The following DNAJC9 variants were observed in gnomAD, a reference collection of about 807,000 sequenced individuals.
DNAJC9 encodes dnaJ homolog subfamily C member 9.
Under a neutral mutation model 32.4 loss-of-function variants are expected in DNAJC9, and 18 were observed. The ratio of observed to expected loss-of-function variants is 0.56; its 90% confidence interval spans 0.38 to 0.82. The LOEUF (loss-of-function observed/expected upper bound fraction) is 0.82, where lower values mean the gene tolerates loss of function less well. Among genes scored for constraint, DNAJC9 ranks in the 40% least tolerant of loss-of-function variants. The pLI is 0.00. For missense variants in DNAJC9, 310 were observed against 321.8 expected, an observed-to-expected ratio of 0.96 and a Z score of 0.28; for synonymous variants, 113 against 122.1, an observed-to-expected ratio of 0.93 and a Z score of 0.49.
At chr10:73,246,940 G>A in intron 1 of DNAJC9, 70 bp downstream of exon 1, 1 of 1,569,756 alleles carries the variant, frequency 6.4e-7, no homozygotes, top group African/African-American at 1.4e-5. Flanking sequence ...CCCCGGGGCG[G>A]GGCCCGGTAG....
At chr10:73,243,645 A>C in intron 4 of DNAJC9, 126 bp from the exon 5 acceptor site, 3 of 1,305,446 alleles carry the variant, frequency 2.3e-6, no homozygotes, top group Non-Finnish European at 3.2e-6. Flanking sequence ...GGAATGGTGA[A>C]AATGTCCTAC....
At chr10:73,239,576 C>G (rs945282510), downstream of DNAJC9, among the ~76,000 whole-genome samples, 6 of 151,772 alleles carry the variant, frequency 4.0e-5, no homozygotes, top group African/African-American at 1.5e-4. Context: ...AGTTCTATTG[C>G]TCAGAGCCAA....
intron 2 of DNAJC9, 127 bp downstream of exon 2, chr10:73,246,561 A>T (rs1204811776): frequency 2.4e-5 from 27 of 1,120,178 alleles, no homozygotes; most frequent in Non-Finnish European, 3.4e-5. Context: ...TCTGTATTTC[A>T]AGGCCAAACT....
At chr10:73,239,030 G>A (rs1198855952), downstream of DNAJC9, 4 of 294,708 alleles carry the variant, frequency 1.4e-5, no homozygotes, top group Non-Finnish European at 2.5e-5. Flanking sequence ...AGAACTAACT[G>A]AAATATTAAA....
downstream of DNAJC9, chr10:73,241,934 A>G (rs1344582085): frequency 6.6e-6 from 1 of 152,270 alleles, no homozygotes; most frequent in Non-Finnish European, 1.5e-5. Flanking sequence ...TCCTAAGGGC[A>G]TTCATGAATG....
chr10:73,236,097 T>A (rs2133411719), downstream of DNAJC9, among the ~76,000 whole-genome samples: 1 of 152,308 alleles, frequency 6.6e-6, no homozygotes, highest in East Asian at 1.9e-4. Context: ...TCCCAACTCA[T>A]GACCCTTGAA....
chr10:73,233,325 A>C, intron 2 of DNAJC9: 1 of 603,542 alleles, frequency 1.7e-6, no homozygotes, highest in East Asian at 2.8e-5. Flanking sequence ...AAAATTTTTT[A>C]ATGTGGTTAA....
intron 4 of DNAJC9, 97 bp from the exon 5 acceptor site, chr10:73,243,616 A>C: frequency 6.8e-7 from 1 of 1,473,204 alleles, no homozygotes; most frequent in Non-Finnish European, 9.3e-7. Context: ...ATAACTACTA[A>C]TGGGTATGGA....
intron 2 of DNAJC9, chr10:73,233,163 T>A: frequency 6.5e-7 from 1 of 1,548,544 alleles, no homozygotes; most frequent in Non-Finnish European, 8.7e-7. Context: ...GGAGCCCGAG[T>A]GTAGGTTTCA....
At chr10:73,238,081 T>C (rs112666357), downstream of DNAJC9, among the ~76,000 whole-genome samples, 23,333 of 152,052 alleles carry the variant, frequency 0.15, 2,936 homozygotes, top group African/African-American at 0.32. Context: ...TGCAGTGGCT[T>C]ACACCTGTAA....
chr10:73,236,539 G>A (rs1290463295), downstream of DNAJC9, among the ~76,000 whole-genome samples: 1 of 150,274 alleles, frequency 6.7e-6, no homozygotes, highest in Non-Finnish European at 1.5e-5. Context: ...TCAGCCTCCC[G>A]AATAGCTGGG....
downstream of DNAJC9, chr10:73,234,768 T>C: frequency 3.2e-6 from 5 of 1,543,520 alleles, no homozygotes; most frequent in Non-Finnish European, 1.7e-6. Flanking sequence ...GCTGGTATTG[T>C]TATAACTTCA....
At chr10:73,236,515 G>A (rs1484590964), downstream of DNAJC9, among the ~76,000 whole-genome samples, 1 of 150,284 alleles carries the variant, frequency 6.7e-6, no homozygotes, top group African/African-American at 2.5e-5. Context: ...CTGGGTTCAT[G>A]TGATTCTCCT....
At chr10:73,232,903 C>A in intron 2 of DNAJC9, 1 of 1,250,934 alleles carries the variant, frequency 8.0e-7, no homozygotes, top group Non-Finnish European at 1.1e-6. Flanking sequence ...ACATACTGAT[C>A]TTTACTTCAT....
rs1439480185 is a variant in DNAJC9, at chr10:73,247,147, C to T, written c.43G>A (p.Asp15Asn). Reference sequence around the variant, plus strand: ...CGCACGCCCAGCACCCGGTAAAGGTCGGCGGTGCCGAACACTTCCTCGCAA... The same window carrying T: ...CGCACGCCCAGCACCCGGTAAAGGTTGGCGGTGCCGAACACTTCCTCGCAA... ...DLCEEVFGTA[D>N]LYRVLGVRRE... The change falls in exon 1 of 5, where the codon GAC (aspartate) becomes AAC (asparagine). Residue 15 changes from aspartate (D) to asparagine (N), a missense_variant. Transcript: ENST00000372950. 22 of 1,596,382 alleles carry T rather than the reference C, an allele frequency of 1.4e-5. No individual in the cohort carries two copies. The highest frequency in any genetic ancestry group is 1.6e-5 in the Non-Finnish European group (19 of 1,172,534).
At position 73,242,561 on chromosome 10, in the gene DNAJC9, T is replaced by C. The variant is rs1188547561; in HGVS notation, c.*839A>G. ...TTTGACAAATTTGGATTTCACTCTT[T>C]GTTTTGATGTAGTAACTCTTTTATA... On this transcript the variant is annotated 3_prime_UTR_variant, in exon 5 of 5. Coordinates refer to ENST00000372950, the MANE Select transcript of DNAJC9 (RefSeq NM_015190.5). 1 of 151,802 alleles carries C rather than the reference T, an allele frequency of 6.6e-6. No individual in the cohort carries two copies. Among genetic ancestry groups the C allele is most frequent in the Non-Finnish European group, 1.5e-5 (1 of 67,976 alleles). 9.4% of individuals were successfully genotyped at this position (151,802 alleles called of 1,614,324 possible). A position where few individuals can be genotyped will look rare whatever the true frequency, so the allele number is the denominator to read the frequency against.
intron 3 of DNAJC9, 84 bp from the exon 4 acceptor site, chr10:73,244,013 C>T (rs2043981216): frequency 8.9e-7 from 1 of 1,128,088 alleles, no homozygotes; most frequent in Non-Finnish European, 1.3e-6. Context: ...ATCTATAATT[C>T]TGTTTCAATT....
Position 73,246,769 on chromosome 10 carries a change from C to T in DNAJC9, c.240G>A (p.Glu80=). ...SDREQRAVYD[E]QGTVDEDSPV... is the part of the protein sequence containing the mutation. ...GAGAGTCCTCGTCCACTGTTCCCTGCTCATCGTACACTGCTCTCTGTTCTC... is the reference window on the plus strand; with the variant it reads ...GAGAGTCCTCGTCCACTGTTCCCTGTTCATCGTACACTGCTCTCTGTTCTC... Residue 80 remains glutamate, a synonymous_variant, in exon 2 of 5, where the codon GAG becomes GAA. Transcript: ENST00000372950. 1 of 1,614,186 alleles carries T rather than the reference C, an allele frequency of 6.2e-7. No individual in the cohort carries two copies. Among genetic ancestry groups the T allele is most frequent in the South Asian group, 1.1e-5 (1 of 91,084 alleles).
rs534159055 is a variant in DNAJC9 at position 73,243,034 on chromosome 10, G to C, written c.*366C>G. The stretch of plus-strand genomic sequence containing the variant: ...CTGGAAGGTGTTCTAGCTGGGTAGA[G>C]AGCCTATTCTAACAGACACGCACAT... On this transcript the variant is annotated 3_prime_UTR_variant, in exon 5 of 5. Transcript: ENST00000372950. 5.1e-4 allele frequency: 100 copies of C among 195,032 alleles called. No homozygotes were observed. Among genetic ancestry groups the C allele is most frequent in the Non-Finnish European group, 8.1e-4 (77 of 94,712 alleles). 12.1% of individuals were successfully genotyped at this position (195,032 alleles called of 1,614,324 possible). A position where few individuals can be genotyped will look rare whatever the true frequency, so the allele number is the denominator to read the frequency against.
Sources: gnomAD v4.1 joint callset for allele counts (sites outside exome capture counted in the v4.1 genomes callset) on GRCh38, gnomAD v4.1.1 for gene constraint, MANE v1.5 for transcripts, NCBI Gene and HGNC (gene_info 2026-07-23, HGNC 2026-07-21) for gene names.